Variants in PAFAH1B2 observed in about 807,000 individuals in gnomAD.
PAFAH1B2 encodes the protein platelet activating factor acetylhydrolase 1b catalytic subunit 2.
Under a neutral mutation model 28.0 loss-of-function variants are expected in PAFAH1B2, and 8 were observed. The ratio of observed to expected loss-of-function variants is 0.29; its 90% CI spans 0.17 to 0.52. The LOEUF (loss-of-function observed/expected upper bound fraction) is 0.52. Ranked by LOEUF, PAFAH1B2 falls within the 20% of genes least tolerant of loss-of-function variation. The probability of loss-of-function intolerance (pLI) is 0.97; values close to 1 mark genes in which losing one functional copy is unlikely to be tolerated. For synonymous variants in PAFAH1B2, 104 were observed against 103.2 expected (o/e 1.01, Z -0.05); for missense variants, 190 against 282.6 (o/e 0.67, Z 2.35).
rs149495395 is a variant in PAFAH1B2, at chr11:117,159,976, G to A, written c.124G>A (p.Val42Ile). 4.6e-5 allele frequency: 74 copies of A among 1,613,824 alleles called. No individual in the cohort carries two copies. Among genetic ancestry groups the A allele is most frequent in the Non-Finnish European group, 5.9e-5 (70 of 1,179,888 alleles). Residue 42 changes from valine (V) to isoleucine (I), a missense_variant, in exon 3 of 6, where the codon GTA becomes ATA. Coordinates refer to ENST00000527958, the MANE Select transcript of PAFAH1B2 (RefSeq NM_002572.4). ...VLDCKDKEPD[V>I]LFVGDSMVQL... ...GGACTGTAAAGACAAAGAGCCTGAT[G>A]TACTGTTCGTGGGAGACTCCATGGT...
intron 2 of PAFAH1B2, among the ~76,000 whole-genome samples, chr11:117,158,603 A>G (rs192358313): frequency 8.1e-5 from 11 of 136,630 alleles, no homozygotes; most frequent in Non-Finnish European, 1.6e-4. Context: ...ATGTTATGGG[A>G]TTGTTTCTTT....
intron 4 of PAFAH1B2, among the ~76,000 whole-genome samples, chr11:117,162,491 G>A (rs894946938): frequency 2.0e-5 from 3 of 149,820 alleles, no homozygotes; most frequent in African/African-American, 4.9e-5. Context: ...ATGGATCAGC[G>A]TGGTGGGTTA....
intron 1 of PAFAH1B2, among the ~76,000 whole-genome samples, chr11:117,144,722 G>A (rs1955953019): frequency 6.6e-6 from 1 of 152,084 alleles, no homozygotes; most frequent in Admixed American, 6.5e-5. Context: ...TTTCCCAGGA[G>A]GGTAGCGCGG....
downstream of PAFAH1B2, among the ~76,000 whole-genome samples, chr11:117,173,818 A>G (rs1008619185): frequency 1.3e-5 from 2 of 152,230 alleles, no homozygotes; most frequent in Non-Finnish European, 2.9e-5. Flanking sequence ...AGCCCTGGGA[A>G]AGAACAGAAC....
Position 117,169,862 on chromosome 11 carries a change from A to G in PAFAH1B2, c.*2163A>G. 1.9e-6 allele frequency: 2 copies of G among 1,055,228 alleles called. No individual in the cohort carries two copies. Among genetic ancestry groups the G allele is most frequent in the Non-Finnish European group, 2.3e-6 (2 of 873,028 alleles). The allele number at this position is 1,055,228 out of a possible 1,614,324, so 65.4% of individuals were successfully genotyped here. A position where few individuals can be genotyped will look rare whatever the true frequency, so the allele number is the denominator to read the frequency against. ...TGTCAGAAGGTGGGAGTATGGTCCA[A>G]ATAAATCCATTAGGTTACTCCTGCA... On this transcript the variant is annotated 3_prime_UTR_variant, in exon 6 of 6. Transcript: ENST00000527958.
intron 4 of PAFAH1B2, 36 bp from the exon 5 acceptor site, chr11:117,163,734 T>C: frequency 6.2e-7 from 1 of 1,608,744 alleles, no homozygotes; most frequent in Non-Finnish European, 8.5e-7. Flanking sequence ...CCTGGGTATT[T>C]ATCTTCTCCT....
At chr11:117,149,033 A>ATTTTTTTT (rs71037462) in intron 1 of PAFAH1B2, among the ~76,000 whole-genome samples, 20 of 118,600 alleles carry the variant, frequency 1.7e-4, no homozygotes, top group Non-Finnish European at 2.8e-4. Flanking sequence ...ACACCTGCCA[A>ATTTTTTTT]TTTTTTTTTT....
chr11:117,159,783 A>G, intron 2 of PAFAH1B2, 151 bp from the exon 3 acceptor site: 1 of 575,690 alleles, frequency 1.7e-6, no homozygotes, highest in South Asian at 2.4e-5. Flanking sequence ...TAGAGATGGG[A>G]TCTTGATATA....
chr11:117,174,203 T>TGTGTGTGG (rs1191463894), downstream of PAFAH1B2, among the ~76,000 whole-genome samples: 1 of 149,292 alleles, frequency 6.7e-6, no homozygotes, highest in Admixed American at 6.7e-5. Context: ...TGTGTGTGTG[T>TGTGTGTGG]GTGGCAGTTT....
downstream of PAFAH1B2, among the ~76,000 whole-genome samples, chr11:117,171,395 T>C (rs966343769): frequency 6.6e-5 from 10 of 152,130 alleles, no homozygotes; most frequent in East Asian, 1.9e-4. Context: ...TACAGTGTTA[T>C]TGGCCGGGCT....
intron 3 of PAFAH1B2, 35 bp downstream of exon 3, chr11:117,160,058 AC>A (rs1565268241): frequency 7.3e-7 from 1 of 1,370,224 alleles, no homozygotes; most frequent in Non-Finnish European, 1.0e-6. Context: ...GTTCTTGGCT[AC>A]TCATGTATAT....
chr11:117,156,886 AATGCGC>A (rs1956266260), intron 2 of PAFAH1B2, among the ~76,000 whole-genome samples: 1 of 152,028 alleles, frequency 6.6e-6, no homozygotes, highest in African/African-American at 2.4e-5. Context: ...GATATGGTGA[AATGCGC>A]CTGAGGCTGA....
chr11:117,155,332 A>G (rs1052377019), intron 2 of PAFAH1B2, among the ~76,000 whole-genome samples: 1 of 152,238 alleles, frequency 6.6e-6, no homozygotes. Flanking sequence ...TATTAACCAG[A>G]AAAATAAGGC....
downstream of PAFAH1B2, chr11:117,174,760 G>A (rs1205854936): frequency 1.8e-5 from 9 of 514,046 alleles, no homozygotes; most frequent in Non-Finnish European, 3.0e-5. Context: ...TTACAGGCGT[G>A]AGCCACTGCA....
rs916607079 is a variant in PAFAH1B2 at position 117,170,336 on chromosome 11, C to T, written c.*2637C>T. The T allele has an allele frequency of 5.9e-5, 63 of 1,060,628 alleles. No individual in the cohort carries two copies. The highest frequency in any genetic ancestry group is 6.8e-5 in the Non-Finnish European group (60 of 877,422). 65.7% of individuals were successfully genotyped at this position (1,060,628 alleles called of 1,614,324 possible). ...CTCCCAGCAAATTTGTATTCCTTCG[C>T]CCACGCATTCCTGCTATACTAGATG... is the stretch of plus-strand genomic sequence containing the variant. On this transcript the variant is annotated 3_prime_UTR_variant, in exon 6 of 6. Coordinates refer to ENST00000527958, the MANE Select transcript of PAFAH1B2 (RefSeq NM_002572.4).
Position 117,168,905 on chromosome 11 carries a change from C to G in PAFAH1B2, c.*1206C>G, listed in dbSNP as rs1363310597. 3.0e-5 allele frequency: 10 copies of G among 334,466 alleles called. No individual in the cohort carries two copies. In the Admixed American group the frequency reaches 6.1e-4, roughly 21 times the overall value. 20.7% of individuals were successfully genotyped at this position (334,466 alleles called of 1,614,324 possible). A position where few individuals can be genotyped will look rare whatever the true frequency, so the allele number is the denominator to read the frequency against. ...TCCCGAGTTCAAATGATTCTCCTGCCTCAGCTTCCTGAGTAGCTGGGATTA... is the reference window on the plus strand; with the variant it reads ...TCCCGAGTTCAAATGATTCTCCTGCGTCAGCTTCCTGAGTAGCTGGGATTA... On this transcript the variant is annotated 3_prime_UTR_variant, in exon 6 of 6. Transcript: ENST00000527958.
downstream of PAFAH1B2, among the ~76,000 whole-genome samples, chr11:117,172,307 T>C (rs77280743): frequency 0.014 from 2,041 of 146,776 alleles, 44 homozygotes; most frequent in African/African-American, 0.045. Flanking sequence ...TGGCCTGATA[T>C]TATGCTATGC....
chr11:117,148,395 CAA>C (rs1956066052), intron 1 of PAFAH1B2, among the ~76,000 whole-genome samples: 1 of 152,090 alleles, frequency 6.6e-6, no homozygotes, highest in East Asian at 1.9e-4. Context: ...ATCATTTGCT[CAA>C]GAGTAGGCTT....
downstream of PAFAH1B2, among the ~76,000 whole-genome samples, chr11:117,177,621 G>A (rs1326281190): frequency 1.3e-5 from 2 of 152,202 alleles, no homozygotes; most frequent in South Asian, 2.1e-4. Flanking sequence ...TGCAACCTCC[G>A]CCTGGTAGAG....
Sources: allele counts gnomAD v4.1 joint callset (sites outside exome capture counted in the v4.1 genomes callset), GRCh38; gene constraint gnomAD v4.1.1; transcripts MANE v1.5; gene names NCBI Gene and HGNC (gene_info 2026-07-23, HGNC 2026-07-21).